Variants in DLGAP2 observed in about 807,000 individuals in gnomAD.
DLGAP2 encodes the protein DLG associated protein 2.
DLGAP2 carries 26 observed loss-of-function variants against 100.3 expected under a neutral mutation model. The ratio of observed to expected loss-of-function variants is 0.26; its 90% CI spans 0.19 to 0.36. The LOEUF is 0.36. Ranked by LOEUF, DLGAP2 falls within the 10% of genes least tolerant of loss-of-function variation. DLGAP2 has a pLI of 1.00. For synonymous variants in DLGAP2, 886 were observed against 630.1 expected (o/e 1.41, Z -6.08); for missense variants, 1,858 against 1,453.2 (o/e 1.28, Z -4.53).
chr8:748,411 T>G (rs1820706710), intron 1 of DLGAP2, among the ~76,000 whole-genome samples: 1 of 152,028 alleles, frequency 6.6e-6, no homozygotes, highest in African/African-American at 2.4e-5. Context: ...ATGCTCCACG[T>G]AGCCACAGGG....
chr8:1,271,492 A>G (rs1799582451), intron 3 of DLGAP2, among the ~76,000 whole-genome samples: 1 of 152,220 alleles, frequency 6.6e-6, no homozygotes, highest in African/African-American at 2.4e-5. Context: ...TTTATCAGGC[A>G]TTATCTGAGT....
At chr8:797,641 T>A (rs192447261) in intron 1 of DLGAP2, among the ~76,000 whole-genome samples, 1 of 152,336 alleles carries the variant, frequency 6.6e-6, no homozygotes, top group East Asian at 1.9e-4. Flanking sequence ...ACAGCCCTCA[T>A]TGATGGCTGC....
chr8:1,229,543 G>GT (rs56249461), intron 2 of DLGAP2, among the ~76,000 whole-genome samples: 33,329 of 151,922 alleles, frequency 0.22, 4,348 homozygotes, highest in East Asian at 0.57. Context: ...AGGATCTTTT[G>GT]TTTTTCTGTG....
intron 1 of DLGAP2, among the ~76,000 whole-genome samples, chr8:864,763 C>A (rs1467665383): frequency 6.6e-6 from 1 of 152,112 alleles, no homozygotes; most frequent in East Asian, 1.9e-4. Flanking sequence ...CCCATGGGAG[C>A]TGCCAGGGTC....
intron 2 of DLGAP2, among the ~76,000 whole-genome samples, chr8:1,227,137 G>C (rs1798432222): frequency 2.7e-5 from 2 of 74,256 alleles, no homozygotes; most frequent in South Asian, 9.5e-4. Flanking sequence ...CAAATGAATG[G>C]GTAAGGAAAC....
At chr8:1,439,501 C>T (rs749062376) in intron 3 of DLGAP2, among the ~76,000 whole-genome samples, 8 of 152,186 alleles carry the variant, frequency 5.3e-5, no homozygotes, top group African/African-American at 1.9e-4. Context: ...TCAGCCCTGT[C>T]ATCAGAGGCC....
chr8:1,380,201 A>C (rs1371442301), intron 3 of DLGAP2: 3 of 152,186 alleles, frequency 2.0e-5, no homozygotes, highest in Non-Finnish European at 4.4e-5. Flanking sequence ...TCGAATGTGC[A>C]AAAGGGTGTC....
chr8:1,389,925 G>T (rs139150187), intron 3 of DLGAP2, among the ~76,000 whole-genome samples: 2 of 152,128 alleles, frequency 1.3e-5, no homozygotes, highest in Admixed American at 6.5e-5. Context: ...GAGAGGGGCC[G>T]CGGAGCACCC....
At chr8:1,265,885 C>T (rs894779126) in intron 3 of DLGAP2, among the ~76,000 whole-genome samples, 2 of 152,098 alleles carry the variant, frequency 1.3e-5, no homozygotes, top group Non-Finnish European at 2.9e-5. Context: ...AAGGCTCATA[C>T]AACACAAAGC....
At chr8:1,661,887 A>G (rs1044004070) in intron 8 of DLGAP2, among the ~76,000 whole-genome samples, 8 of 152,248 alleles carry the variant, frequency 5.3e-5, no homozygotes, top group African/African-American at 1.9e-4. Flanking sequence ...CAGCTGAAAC[A>G]GAGAGCCAGA....
In DLGAP2 at chr8:1,287,492, GTGTGGTTCT is replaced by G. The variant is rs1395323555; in HGVS notation, c.106+28610_106+28618del. On this transcript the variant is annotated intron_variant, in intron 3 of 14. Transcript: ENST00000637795. ...TCAGCGTGTGTGTGTGTGTGTGTGT[GTGTGGTTCT>G]GTTAGGAGGGGAACTAGTTTTGGTT... is the stretch of plus-strand genomic sequence containing the variant. 2.1e-3 allele frequency among the ~76,000 whole-genome samples: 89 copies of G among 42,686 alleles called. 7 individuals carry two copies. Among genetic ancestry groups the G allele is most frequent in the Non-Finnish European group, 2.4e-3 (59 of 24,162 alleles). 28.0% of individuals were successfully genotyped at this position (42,686 alleles called of 152,430 possible).
At chr8:1,658,548 A>G (rs772674705) in intron 8 of DLGAP2, among the ~76,000 whole-genome samples, 1 of 152,116 alleles carries the variant, frequency 6.6e-6, no homozygotes, top group Non-Finnish European at 1.5e-5. Flanking sequence ...CAGGGATTCC[A>G]CTTATTCCTG....
chr8:1,298,351 G>T (rs370495749), intron 3 of DLGAP2, among the ~76,000 whole-genome samples: 2 of 152,154 alleles, frequency 1.3e-5, no homozygotes, highest in Non-Finnish European at 2.9e-5. Flanking sequence ...CAGAGGCCGC[G>T]TCCTTCCACA....
At chr8:789,722 G>A (rs775728048) in intron 1 of DLGAP2, among the ~76,000 whole-genome samples, 3 of 152,172 alleles carry the variant, frequency 2.0e-5, no homozygotes, top group African/African-American at 4.8e-5. Flanking sequence ...TCCTTTGGAC[G>A]GCGTCTGCTG....
chr8:1,215,934 A>T lies in DLGAP2; in HGVS notation c.74-42917A>T, dbSNP rs113596955. Among the ~76,000 whole-genome samples the T allele has an allele frequency of 1.3e-4, 19 of 148,618 alleles. No individual in the cohort carries two copies. In the East Asian group the frequency reaches 3.9e-3, roughly 30 times the overall value. On this transcript the variant is annotated intron_variant, in intron 2 of 14. Coordinates refer to ENST00000637795, the MANE Select transcript of DLGAP2 (RefSeq NM_001346810.2). Reference sequence around the variant, plus strand: ...TACCTGGAGACGTCCAGGTACCTGGATGGGTTCATTTGGGTGCATCACCTG... The same window carrying T: ...TACCTGGAGACGTCCAGGTACCTGGTTGGGTTCATTTGGGTGCATCACCTG...
chr8:1,197,625 C>A (rs577665643), intron 2 of DLGAP2, among the ~76,000 whole-genome samples: 1 of 150,556 alleles, frequency 6.6e-6, no homozygotes, highest in Non-Finnish European at 1.5e-5. Flanking sequence ...GGGCCACCAG[C>A]TGTCCATATA....
At chr8:1,059,276 TC>T (rs1488573150) in intron 2 of DLGAP2, among the ~76,000 whole-genome samples, 11 of 151,820 alleles carry the variant, frequency 7.2e-5, no homozygotes, top group African/African-American at 2.7e-4. Context: ...GCATACTCCA[TC>T]CCCGAGGGCC....
At chr8:1,687,951 A>G (rs912387796) in intron 12 of DLGAP2, among the ~76,000 whole-genome samples, 2 of 152,228 alleles carry the variant, frequency 1.3e-5, no homozygotes, top group Non-Finnish European at 1.5e-5. Context: ...TAGAAATTCA[A>G]CATTTCAAAA....
chr8:1,314,636 G>T (rs1800687014), intron 3 of DLGAP2, among the ~76,000 whole-genome samples: 1 of 152,186 alleles, frequency 6.6e-6, no homozygotes, highest in Non-Finnish European at 1.5e-5. Flanking sequence ...AATTGGGGCA[G>T]CCCATGGTCT....
Sources: allele counts gnomAD v4.1 joint callset (sites outside exome capture counted in the v4.1 genomes callset), GRCh38; gene constraint gnomAD v4.1.1; transcripts MANE v1.5; gene names NCBI Gene and HGNC (gene_info 2026-07-23, HGNC 2026-07-21).